PRKN: variants seen among roughly 807,000 people sequenced by gnomAD.
PRKN encodes parkin RBR E3 ubiquitin protein ligase.
In PRKN, 56 loss-of-function variants were observed where a neutral mutation model predicts 59.5. The ratio of observed to expected loss-of-function variants is 0.94; its 90% confidence interval spans 0.76 to 1.18. PRKN has a LOEUF of 1.18. PRKN is among the 50% of genes most tolerant of loss of function. The pLI is 0.00. For synonymous variants in PRKN, 250 were observed against 222.1 expected, an observed-to-expected ratio of 1.13 and a Z score of -1.12; for missense variants, 657 against 596.4, an observed-to-expected ratio of 1.10 and a Z score of -1.06.
chr6:162,677,767 C>T (rs913939370), intron 1 of PRKN, among the ~76,000 whole-genome samples: 13 of 152,142 alleles, frequency 8.5e-5, no homozygotes, highest in African/African-American at 1.2e-4. Context: ...TTTGAAAAAG[C>T]GCTTACCTAG....
chr6:162,440,091 C>T (rs1476488181), intron 2 of PRKN, among the ~76,000 whole-genome samples: 1 of 151,998 alleles, frequency 6.6e-6, no homozygotes, highest in Non-Finnish European at 1.5e-5. Flanking sequence ...AAAATCTGTG[C>T]CAGATCATTC....
At chr6:162,470,111 C>T (rs1791656594) in intron 1 of PRKN, among the ~76,000 whole-genome samples, 1 of 152,092 alleles carries the variant, frequency 6.6e-6, no homozygotes, top group Admixed American at 6.5e-5. Context: ...AGTCAGCTCT[C>T]TATCAATGAC....
intron 6 of PRKN, among the ~76,000 whole-genome samples, chr6:161,873,862 C>A (rs1476827158): frequency 8.2e-6 from 1 of 121,330 alleles, no homozygotes; most frequent in Non-Finnish European, 1.7e-5. Flanking sequence ...TTTTAAAAGA[C>A]CTGTTTTTTG....
Position 162,026,960 on chromosome 6 carries a change from T to C in PRKN, c.618+27131A>G, listed in dbSNP as rs146683469. On this transcript the variant is annotated intron_variant, in intron 5 of 11. Transcript: ENST00000366898. Reference sequence around the variant, plus strand: ...CAGGCATTTTCTCATTTAATCATGATAACAAACCTATAAACTAGAAACCAC... The same window carrying C: ...CAGGCATTTTCTCATTTAATCATGACAACAAACCTATAAACTAGAAACCAC... Among the ~76,000 whole-genome samples the C allele has an allele frequency of 7.9e-5, 12 of 152,308 alleles. No homozygotes were observed. In the South Asian group the frequency reaches 2.1e-3, roughly 26 times the overall value.
chr6:162,067,955 G>GA, intron 4 of PRKN, among the ~76,000 whole-genome samples: 1 of 152,292 alleles, frequency 6.6e-6, no homozygotes, highest in African/African-American at 2.4e-5. Flanking sequence ...GTTTTACCAT[G>GA]AACTACAGTG....
intron 5 of PRKN, among the ~76,000 whole-genome samples, chr6:162,023,843 C>T (rs1396829734): frequency 1.3e-5 from 2 of 152,136 alleles, no homozygotes; most frequent in Admixed American, 6.5e-5. Flanking sequence ...AAGGACCATA[C>T]TCTTCCCTTT....
chr6:161,517,600 C>T (rs970686125), intron 9 of PRKN, among the ~76,000 whole-genome samples: 1 of 151,794 alleles, frequency 6.6e-6, no homozygotes, highest in Non-Finnish European at 1.5e-5. Context: ...ATTAGCCGGG[C>T]ATGGTGGCGG....
chr6:161,731,737 A>C (rs1167471355), intron 7 of PRKN, among the ~76,000 whole-genome samples: 1 of 152,210 alleles, frequency 6.6e-6, no homozygotes, highest in Non-Finnish European at 1.5e-5. Context: ...AAGACAGAGA[A>C]ATGCAATTGG....
intron 1 of PRKN, among the ~76,000 whole-genome samples, chr6:162,660,059 G>C (rs769548172): frequency 6.6e-6 from 1 of 152,008 alleles, no homozygotes; most frequent in Non-Finnish European, 1.5e-5. Context: ...TTATTTTCCT[G>C]TTCTCACTAC....
intron 4 of PRKN, among the ~76,000 whole-genome samples, chr6:162,199,382 T>C (rs912438267): frequency 2.0e-5 from 3 of 152,226 alleles, no homozygotes; most frequent in African/African-American, 7.2e-5. Flanking sequence ...TAATAATGCT[T>C]AACTGAGAGT....
chr6:161,755,905 G>A (rs1464950043), intron 7 of PRKN, among the ~76,000 whole-genome samples: 1 of 152,104 alleles, frequency 6.6e-6, no homozygotes, highest in African/African-American at 2.4e-5. Context: ...GCCCTCTGTT[G>A]CCAATAGACA....
rs34955373 is a variant in PRKN at position 161,438,215 on chromosome 6, ATTTTT to A, written c.1084-51343_1084-51339del. Among the ~76,000 whole-genome samples the A allele has an allele frequency of 8.0e-3, 902 of 112,452 alleles. 13 individuals are homozygous for A. The highest frequency in any genetic ancestry group is 0.066 in the East Asian group (293 of 4,420). The allele number at this position is 112,452 out of a possible 152,430, so 73.8% of individuals were successfully genotyped here. A position where few individuals can be genotyped will look rare whatever the true frequency, so the allele number is the denominator to read the frequency against. On this transcript the variant is annotated intron_variant, in intron 9 of 11. Transcript: ENST00000366898. The stretch of plus-strand genomic sequence containing the variant: ...TTCACTTACAGGGAGAATTCTGTTA[ATTTTT>A]TTTTTTTTTTTTTTTTGAGACAGAG...
intron 6 of PRKN, among the ~76,000 whole-genome samples, chr6:161,847,872 G>T (rs1037486039): frequency 3.9e-5 from 6 of 152,170 alleles, no homozygotes; most frequent in Admixed American, 1.3e-4. Context: ...AAGAAATACA[G>T]AATGGAAACT....
chr6:161,625,252 T>C lies in PRKN; in HGVS notation c.872-55836A>G, dbSNP rs573655897. On this transcript the variant is annotated intron_variant, in intron 7 of 11. Transcript: ENST00000366898. ...GCAGCCATAAAAAAGGATGAGTTCA[T>C]GTCCTTTGCTGGGACATGGATGAAG... Among the ~76,000 whole-genome samples, 39 of 152,338 alleles carry C rather than the reference T, an allele frequency of 2.6e-4. No individual in the cohort carries two copies. The South Asian group carries it at 6.4e-3, about 25-fold the overall frequency.
intron 5 of PRKN, among the ~76,000 whole-genome samples, chr6:162,038,173 T>C (rs1317549014): frequency 2.0e-5 from 3 of 152,104 alleles, no homozygotes; most frequent in African/African-American, 4.8e-5. Flanking sequence ...GCAAATTAAG[T>C]ACATTTTTAT....
intron 1 of PRKN, among the ~76,000 whole-genome samples, chr6:162,532,012 C>T (rs34011835): frequency 0.35 from 53,130 of 151,598 alleles, 11,108 homozygotes; most frequent in Middle Eastern, 0.51. Context: ...AACCTTCTAA[C>T]ATTCTTTACA....
intron 2 of PRKN, among the ~76,000 whole-genome samples, chr6:162,440,563 A>G (rs967427857): frequency 1.2e-4 from 18 of 152,052 alleles, no homozygotes; most frequent in Non-Finnish European, 2.1e-4. Context: ...CTTCTTTTAT[A>G]CTCACAATAT....
rs1368570190 is a variant in PRKN at position 161,471,984 on chromosome 6, A to G, written c.1083+76870T>C. Among the ~76,000 whole-genome samples the G allele has an allele frequency of 2.0e-5, 3 of 152,202 alleles. No individual in the cohort carries two copies. Among genetic ancestry groups the G allele is most frequent in the Non-Finnish European group, 4.4e-5 (3 of 68,038 alleles). On this transcript the variant is annotated intron_variant, in intron 9 of 11. Transcript: ENST00000366898. This position sits in a 1 kb window ranked among gnomAD's most constrained non-coding sequence, Gnocchi z 4.5. ...ACATTAAAAAAAAATACTGAAGCCT[A>G]TGAAGAAGAAGTTCTCTCTCATTTG...
At chr6:162,331,745 C>T (rs1250588666) in intron 2 of PRKN, among the ~76,000 whole-genome samples, 3 of 152,098 alleles carry the variant, frequency 2.0e-5, no homozygotes, top group Admixed American at 6.6e-5. Context: ...AATGTGGAGG[C>T]CAGTTTTCCT....
Sources: allele counts gnomAD v4.1 joint callset (sites outside exome capture counted in the v4.1 genomes callset), GRCh38; gene constraint gnomAD v4.1.1; non-coding constraint Gnocchi (gnomAD v3.1); transcripts MANE v1.5; gene names NCBI Gene and HGNC (gene_info 2026-07-23, HGNC 2026-07-21).